SOX6: variants seen among roughly 807,000 people sequenced by gnomAD.
The protein encoded by SOX6 is transcription factor SOX-6.
SOX6 carries 11 observed loss-of-function variants against 97.8 expected under a neutral mutation model. That is an observed-to-expected ratio of 0.11 (90% confidence interval 0.07 to 0.19). The LOEUF (loss-of-function observed/expected upper bound fraction) is 0.19, where lower values mean the gene tolerates loss of function less well. Among genes scored for constraint, SOX6 ranks in the 10% least tolerant of loss-of-function variants. SOX6 has a pLI of 1.00. For synonymous variants in SOX6, 360 were observed against 371.4 expected, an observed-to-expected ratio of 0.97 and a Z score of 0.35; for missense variants, 810 against 1,039.5, an observed-to-expected ratio of 0.78 and a Z score of 3.04.
intron 1 of SOX6, among the ~76,000 whole-genome samples, chr11:16,352,297 T>A (rs1026100735): frequency 7.1e-6 from 1 of 141,208 alleles, no homozygotes; most frequent in Non-Finnish European, 1.6e-5. Flanking sequence ...GATGGATGGA[T>A]GGAAGGATGG....
At chr11:16,177,573 A>T (rs1308944202) in intron 6 of SOX6, among the ~76,000 whole-genome samples, 1 of 151,596 alleles carries the variant, frequency 6.6e-6, no homozygotes, top group Admixed American at 6.6e-5. Context: ...ATTTATTTAA[A>T]TTCCAGCTGA....
Position 15,989,167 on chromosome 11 carries a change from C to T in SOX6, c.1796G>A (p.Gly599Asp). 1 of 1,614,114 alleles carries T rather than the reference C, an allele frequency of 6.2e-7. No homozygotes were observed. The highest frequency in any genetic ancestry group is 8.5e-7 in the Non-Finnish European group (1 of 1,179,976). The change falls in exon 14 of 16, where the codon GGT becomes GAT. Residue 599 changes from glycine (G) to aspartate (D), a missense_variant. Transcript: ENST00000683767. The part of the protein sequence containing the change: ...LQQYYCWPTG[G>D]ATVAEARVYR... Reference sequence around the variant, plus strand: ...GACTCGTGCTTCAGCCACAGTGGCACCTCCTGTTGGCCAACAATAATACTG... The same window carrying T: ...GACTCGTGCTTCAGCCACAGTGGCATCTCCTGTTGGCCAACAATAATACTG...
intron 4 of SOX6, among the ~76,000 whole-genome samples, chr11:16,549,468 G>A (rs922272572): frequency 6.6e-6 from 1 of 152,120 alleles, no homozygotes. Flanking sequence ...ACCAAGTGCT[G>A]GTAATGGTAT....
chr11:16,497,815 T>C (rs1404013390), intron 4 of SOX6, among the ~76,000 whole-genome samples: 1 of 152,160 alleles, frequency 6.6e-6, no homozygotes, highest in Non-Finnish European at 1.5e-5. Flanking sequence ...TATGGGACTA[T>C]GTGAAAAGAC....
intron 1 of SOX6, among the ~76,000 whole-genome samples, chr11:16,433,070 T>C (rs1469522261): frequency 2.0e-5 from 3 of 152,038 alleles, no homozygotes; most frequent in South Asian, 2.1e-4. Context: ...TCTCTCCCTA[T>C]AGAAACCTCT....
intron 13 of SOX6, among the ~76,000 whole-genome samples, chr11:15,997,285 G>A (rs914832693): frequency 6.6e-6 from 1 of 152,132 alleles, no homozygotes; most frequent in Admixed American, 6.6e-5. Context: ...GGTTTCACTG[G>A]TAAATTCTTT....
Position 16,018,908 on chromosome 11 carries a change from C to T in SOX6, c.1624-3858G>A, listed in dbSNP as rs1191234281. ...TAGATCAGGCAGCAGGAAGACATTC[C>T]ATATAGTCTGAAGAAAACGGCTAGC... is the stretch of plus-strand genomic sequence containing the variant. On this transcript the variant is annotated intron_variant, in intron 12 of 15. Coordinates refer to ENST00000683767, the MANE Select transcript of SOX6 (RefSeq NM_001367873.1). Among the ~76,000 whole-genome samples, 4 of 152,060 alleles carry T rather than the reference C, an allele frequency of 2.6e-5. No homozygotes were observed. The East Asian group carries it at 7.7e-4, about 29-fold the overall frequency.
At chr11:16,048,660 T>A (rs1451048185) in intron 11 of SOX6, among the ~76,000 whole-genome samples, 1 of 152,150 alleles carries the variant, frequency 6.6e-6, no homozygotes, top group African/African-American at 2.4e-5. Context: ...GCAAGAATGT[T>A]TTTTAAGCTG....
chr11:16,481,644 AGAG>A (rs1374130356), intron 4 of SOX6, among the ~76,000 whole-genome samples: 1 of 152,120 alleles, frequency 6.6e-6, no homozygotes, highest in Non-Finnish European at 1.5e-5. Context: ...CAAAGCATTC[AGAG>A]GAGAATGGCT....
At chr11:16,539,209 T>G (rs1213518717) in intron 4 of SOX6, among the ~76,000 whole-genome samples, 1 of 152,226 alleles carries the variant, frequency 6.6e-6, no homozygotes, top group Non-Finnish European at 1.5e-5. Context: ...CTGAACAACT[T>G]GTTCCTGAAT....
intron 4 of SOX6, among the ~76,000 whole-genome samples, chr11:16,601,997 C>T (rs1245725501): frequency 6.6e-6 from 1 of 152,168 alleles, no homozygotes; most frequent in Admixed American, 6.5e-5. Context: ...CCTACTTAAT[C>T]TCATTTCTTC....
intron 3 of SOX6, among the ~76,000 whole-genome samples, chr11:16,289,148 A>G (rs1479545112): frequency 6.6e-6 from 1 of 152,034 alleles, no homozygotes; most frequent in Non-Finnish European, 1.5e-5. Flanking sequence ...AGCTATTTGT[A>G]TAGTTAAAAA....
At chr11:16,060,380 G>C (rs956499318) in intron 9 of SOX6, among the ~76,000 whole-genome samples, 4 of 151,846 alleles carry the variant, frequency 2.6e-5, no homozygotes, top group Non-Finnish European at 4.4e-5. Context: ...TGATACATTA[G>C]AGAAAGGAAG....
intron 2 of SOX6, among the ~76,000 whole-genome samples, chr11:16,321,302 G>T (rs1173570516): frequency 6.7e-6 from 1 of 149,062 alleles, no homozygotes; most frequent in Non-Finnish European, 1.5e-5. Flanking sequence ...CTAAGGGATT[G>T]AAGAACAAGT....
In SOX6 at chr11:16,076,047, T is replaced by C. The variant is rs376626205; in HGVS notation, c.1101+19949A>G. 2.6e-4 allele frequency among the ~76,000 whole-genome samples: 40 copies of C among 152,158 alleles called. No individual in the cohort carries two copies. In the South Asian group the frequency reaches 8.3e-3, roughly 32 times the overall value. On this transcript the variant is annotated intron_variant, in intron 9 of 15. Transcript: ENST00000683767. ...TAGGTGGGGACACAGCCAAACCATA[T>C]CACTATCCATATGCAGAATACTGAA...
intron 4 of SOX6, among the ~76,000 whole-genome samples, chr11:16,553,353 A>G (rs1003848762): frequency 3.3e-5 from 5 of 152,176 alleles, no homozygotes; most frequent in Non-Finnish European, 5.9e-5. Context: ...ACTTTCAATT[A>G]TATGCAAATT....
intron 4 of SOX6, among the ~76,000 whole-genome samples, chr11:16,595,572 AC>A (rs1259458702): frequency 7.1e-6 from 1 of 140,496 alleles, no homozygotes; most frequent in Non-Finnish European, 1.5e-5. Flanking sequence ...GAAGTTCAAG[AC>A]CCCCCTGGGC....
chr11:16,392,647 C>T (rs1295008561), intron 1 of SOX6, among the ~76,000 whole-genome samples: 1 of 152,008 alleles, frequency 6.6e-6, no homozygotes, highest in Non-Finnish European at 1.5e-5. Flanking sequence ...TCTTGTTTCC[C>T]TTTATAGTAC....
chr11:16,561,973 C>T (rs1023688505), intron 4 of SOX6, among the ~76,000 whole-genome samples: 13 of 152,034 alleles, frequency 8.6e-5, no homozygotes, highest in East Asian at 1.9e-4. Context: ...ACTATCCACC[C>T]GCCTTGGTCT....
Sources: allele counts gnomAD v4.1 joint callset (sites outside exome capture counted in the v4.1 genomes callset), GRCh38; gene constraint gnomAD v4.1.1; transcripts MANE v1.5; gene names NCBI Gene and HGNC (gene_info 2026-07-23, HGNC 2026-07-21).